RIMS2: variants seen among roughly 807,000 people sequenced by gnomAD.
RIMS2 encodes the protein regulating synaptic membrane exocytosis protein 2.
A neutral mutation model predicts 174.4 loss-of-function variants in RIMS2; 59 were observed. The observed-to-expected ratio is 0.34, with a 90% CI of 0.27 to 0.42. The LOEUF (loss-of-function observed/expected upper bound fraction) is 0.42. RIMS2 is among the 10% of genes least tolerant of loss of function. RIMS2 has a pLI of 1.00. For missense variants in RIMS2, 1,620 were observed against 1,666.3 expected (o/e 0.97, Z 0.48); for synonymous variants, 606 against 572.5 (o/e 1.06, Z -0.84).
Position 103,991,680 on chromosome 8 carries a change from T to C in RIMS2, c.3044+2259T>C, listed in dbSNP as rs116330522. On this transcript the variant is annotated intron_variant, in intron 17 of 23. Coordinates refer to ENST00000504942, the Ensembl canonical transcript of RIMS2. ...TTTGAGAGGTACAATAACTAACCTT[T>C]CTTGTCAGTAAGAATTGATGCACTG... Among the ~76,000 whole-genome samples the C allele has an allele frequency of 8.7e-3, 1,322 of 152,248 alleles. 20 individuals carry two copies. Among genetic ancestry groups the C allele is most frequent in the African/African-American group, 0.03 (1,246 of 41,556 alleles).
At chr8:103,882,206 C>T (rs1213745819) in intron 3 of RIMS2, among the ~76,000 whole-genome samples, 2 of 151,370 alleles carry the variant, frequency 1.3e-5, no homozygotes, top group Admixed American at 6.6e-5. Context: ...AATGCTAAGG[C>T]TTGTTTATAA....
At chr8:104,168,592 C>T (rs1447755629) in intron 19 of RIMS2, among the ~76,000 whole-genome samples, 2 of 151,630 alleles carry the variant, frequency 1.3e-5, no homozygotes, top group Non-Finnish European at 3.0e-5. Flanking sequence ...TCAGGGTATA[C>T]GATCATATCA....
chr8:103,560,357 A>G (rs553623974), intron 1 of RIMS2, among the ~76,000 whole-genome samples: 1 of 152,312 alleles, frequency 6.6e-6, no homozygotes, highest in East Asian at 1.9e-4. Flanking sequence ...AGCCTGGGTG[A>G]CAAGAGCGAA....
intron 22 of RIMS2, among the ~76,000 whole-genome samples, chr8:104,250,342 C>T (rs1285471235): frequency 6.6e-6 from 1 of 152,140 alleles, no homozygotes; most frequent in Admixed American, 6.6e-5. Flanking sequence ...TCACTCTGAA[C>T]TTTTCTATCC....
chr8:103,859,474 A>G (rs1218149957), intron 3 of RIMS2, among the ~76,000 whole-genome samples: 2 of 152,140 alleles, frequency 1.3e-5, no homozygotes, highest in African/African-American at 4.8e-5. Flanking sequence ...AGGGGATGAT[A>G]GCATTCTATT....
chr8:103,514,983 G>A (rs952990927), intron 1 of RIMS2, among the ~76,000 whole-genome samples: 1 of 151,472 alleles, frequency 6.6e-6, no homozygotes, highest in African/African-American at 2.4e-5. Flanking sequence ...TCTGATTGAT[G>A]GAAACTGCTT....
intron 5 of RIMS2, 138 bp downstream of exon 8, chr8:103,910,667 A>T (rs1328015697): frequency 1.9e-6 from 1 of 523,584 alleles, no homozygotes; most frequent in Non-Finnish European, 3.3e-6. Context: ...TGCAGAAAAG[A>T]AAAACAAAAC....
intron 19 of RIMS2, among the ~76,000 whole-genome samples, chr8:104,033,210 A>G (rs2096438312): frequency 6.6e-6 from 1 of 151,972 alleles, no homozygotes; most frequent in South Asian, 2.1e-4. Flanking sequence ...TCAAATCTTC[A>G]GTTCATATCA....
intron 19 of RIMS2, among the ~76,000 whole-genome samples, chr8:104,157,671 C>T (rs1310768283): frequency 6.6e-6 from 1 of 152,136 alleles, no homozygotes; most frequent in African/African-American, 2.4e-5. Context: ...AATAATATTC[C>T]ATTGTGTGTA....
chr8:104,237,164 CAG>C (rs1417919649), intron 19 of RIMS2, among the ~76,000 whole-genome samples: 2 of 151,986 alleles, frequency 1.3e-5, no homozygotes, highest in East Asian at 1.9e-4. Context: ...ATATCAAATT[CAG>C]AGTTTTTAAC....
intron 1 of RIMS2, among the ~76,000 whole-genome samples, chr8:103,696,517 A>G (rs1177870301): frequency 6.6e-6 from 1 of 152,158 alleles, no homozygotes; most frequent in Non-Finnish European, 1.5e-5. Context: ...TAGAAATATA[A>G]TTTCAATAAA....
chr8:103,669,327 CAAGATGAGA>C (rs1259074670), intron 1 of RIMS2, among the ~76,000 whole-genome samples: 2 of 152,164 alleles, frequency 1.3e-5, no homozygotes, highest in Non-Finnish European at 2.9e-5. Context: ...AGCTACAATT[CAAGATGAGA>C]TTTGGGTGGG....
At position 103,899,440 on chromosome 8, in the gene RIMS2, T is replaced by C. The variant is rs200248121; in HGVS notation, c.1625-10694T>C. Among the ~76,000 whole-genome samples, 1,142 of 151,934 alleles carry C rather than the reference T, an allele frequency of 7.5e-3. 18 individuals carry two copies. The highest frequency in any genetic ancestry group is 0.046 in the East Asian group (239 of 5,172). ...CTAACTGGCATGAGATGGTATCTCA[T>C]TGTGGTTTTGATTTGCATTTCTCTG... On this transcript the variant is annotated intron_variant, in intron 4 of 23. Coordinates refer to ENST00000504942, the Ensembl canonical transcript of RIMS2.
intron 19 of RIMS2, among the ~76,000 whole-genome samples, chr8:104,219,743 A>G (rs1232458664): frequency 2.6e-5 from 4 of 152,178 alleles, no homozygotes; most frequent in Non-Finnish European, 4.4e-5. Flanking sequence ...AATTTGAAAT[A>G]CTGGATGATA....
In RIMS2 at chr8:103,768,831, C is replaced by T. The variant is rs2098213432; in HGVS notation, c.698+2294C>T. 4.8e-6 allele frequency: 3 copies of T among 621,980 alleles called. No individual in the cohort carries two copies. The African/African-American group carries it at 5.5e-5, about 11-fold the overall frequency. The allele number at this position is 621,980 out of a possible 1,614,324, so 38.5% of individuals were successfully genotyped here. ...TTCAGCGTCTTATTACTCCATGTGT[C>T]CTGCAGCACAAATGGTGCCATATTG... is the stretch of plus-strand genomic sequence containing the variant. On this transcript the variant is annotated intron_variant, in intron 3 of 23. Transcript: ENST00000504942.
chr8:103,550,356 C>T lies in RIMS2; in HGVS notation c.176+49294C>T, dbSNP rs142557564. Among the ~76,000 whole-genome samples, 152 of 152,230 alleles carry T rather than the reference C, an allele frequency of 1.0e-3. 1 individual carries two copies. The highest frequency in any genetic ancestry group is 3.5e-3 in the African/African-American group (144 of 41,536). On this transcript the variant is annotated intron_variant, in intron 1 of 23. Coordinates refer to ENST00000504942, the Ensembl canonical transcript of RIMS2. ...TTGAACAACCTGTCCTGAATGGCCC[C>T]TGGGTACCATAATGAAATGAAGGCA... is the stretch of plus-strand genomic sequence containing the variant.
chr8:103,545,759 T>G (rs936211732), intron 1 of RIMS2, among the ~76,000 whole-genome samples: 2 of 151,884 alleles, frequency 1.3e-5, no homozygotes, highest in Non-Finnish European at 2.9e-5. Context: ...ATAAAAAATT[T>G]CATATCCAGC....
intron 1 of RIMS2, among the ~76,000 whole-genome samples, chr8:103,574,739 AAAAG>A (rs1273516690): frequency 6.6e-6 from 1 of 152,208 alleles, no homozygotes; most frequent in Non-Finnish European, 1.5e-5. Flanking sequence ...CTGGTGGGTT[AAAAG>A]AAAGCCCTTG....
In RIMS2 at chr8:104,145,448, T is replaced by G. The variant is rs191822663; in HGVS notation, c.3335-99468T>G. Reference sequence around the variant, plus strand: ...AATATTGCCCATAATTACAAATTCTTTACTCCAAAGTATTTCATAAATCAA... The same window carrying G: ...AATATTGCCCATAATTACAAATTCTGTACTCCAAAGTATTTCATAAATCAA... On this transcript the variant is annotated intron_variant, in intron 19 of 23. Coordinates refer to ENST00000504942, the Ensembl canonical transcript of RIMS2. Among the ~76,000 whole-genome samples the G allele has an allele frequency of 3.2e-3, 490 of 152,128 alleles. 4 individuals carry two copies. The highest frequency in any genetic ancestry group is 0.011 in the African/African-American group (450 of 41,518).
Sources: gnomAD v4.1 joint callset for allele counts (sites outside exome capture counted in the v4.1 genomes callset) on GRCh38, gnomAD v4.1.1 for gene constraint, MANE v1.5 for transcripts, NCBI Gene and HGNC (gene_info 2026-07-23, HGNC 2026-07-21) for gene names.